NF1: variants seen among roughly 807,000 people sequenced by gnomAD.
The protein encoded by NF1 is neurofibromin.
A neutral mutation model predicts 325.7 loss-of-function variants in NF1; 122 were observed. The observed-to-expected ratio is 0.37, with a 90% CI of 0.32 to 0.44. The LOEUF (loss-of-function observed/expected upper bound fraction) is 0.44. NF1 is among the 20% of genes least tolerant of loss of function. The pLI is 1.00. For synonymous variants in NF1, 1,091 were observed against 1,186.0 expected (o/e 0.92, Z 1.65); for missense variants, 2,140 against 3,415.4 (o/e 0.63, Z 9.31).
intron 56 of NF1, 120 bp downstream of exon 56, chr17:31,359,135 A>G: frequency 2.4e-6 from 2 of 833,672 alleles, no homozygotes; most frequent in Admixed American, 2.5e-5. Flanking sequence ...CAATAAACAC[A>G]TATGTTACTT....
At chr17:31,304,347 G>C (rs774261958) in intron 36 of NF1, 1 of 1,614,118 alleles carries the variant, frequency 6.2e-7, no homozygotes, top group East Asian at 2.2e-5. Flanking sequence ...CCTGACACTG[G>C]ATCTCAAGGT....
chr17:31,132,281 C>A (rs1915448921), intron 1 of NF1, among the ~76,000 whole-genome samples: 1 of 151,914 alleles, frequency 6.6e-6, no homozygotes, highest in Non-Finnish European at 1.5e-5. Context: ...GTGGGTCATG[C>A]CTGTAATCCC....
chr17:31,155,157 TG>T (rs1259620673), intron 1 of NF1, among the ~76,000 whole-genome samples: 1 of 152,242 alleles, frequency 6.6e-6, no homozygotes, highest in Non-Finnish European at 1.5e-5. Flanking sequence ...TATTCAGGTT[TG>T]TTTTTTTCAC....
At chr17:31,193,281 T>C (rs1290560508) in intron 8 of NF1, among the ~76,000 whole-genome samples, 1 of 152,234 alleles carries the variant, frequency 6.6e-6, no homozygotes, top group Non-Finnish European at 1.5e-5. Flanking sequence ...TTGAGAACCA[T>C]TGTTCATCTA....
intron 30 of NF1, chr17:31,252,713 T>G (rs2067517081): frequency 3.8e-6 from 2 of 529,424 alleles, no homozygotes; most frequent in Non-Finnish European, 6.8e-6. Flanking sequence ...GTAGACATGA[T>G]TGGGTCTCAA....
In NF1 at chr17:31,366,609, C is replaced by G. The variant is rs148106269; in HGVS notation, c.8377+5906C>G. ...TAGGTTTGAAATATCTCCCTCTTAG[C>G]TGGGCACAGTGGCACATGCTTGTGG... On this transcript the variant is annotated intron_variant, in intron 57 of 57. Coordinates refer to ENST00000358273, the MANE Select transcript of NF1 (RefSeq NM_001042492.3). Among the ~76,000 whole-genome samples the G allele has an allele frequency of 6.7e-3, 1,024 of 152,296 alleles. 19 individuals are homozygous for G. Among genetic ancestry groups the G allele is most frequent in the African/African-American group, 0.023 (960 of 41,570 alleles).
At chr17:31,229,809 C>A in intron 21 of NF1, 26 bp from the exon 22 acceptor site, 2 of 1,611,228 alleles carry the variant, frequency 1.2e-6, no homozygotes, top group South Asian at 2.2e-5. Flanking sequence ...GATGGCAAAT[C>A]ATTAATGTAT....
chr17:31,307,088 T>G (rs1194111355), intron 36 of NF1, among the ~76,000 whole-genome samples: 1 of 152,042 alleles, frequency 6.6e-6, no homozygotes, highest in African/African-American at 2.4e-5. Flanking sequence ...AGTGGCACAA[T>G]CTGGGCTCAC....
At position 31,335,037 on chromosome 17, in the gene NF1, G is replaced by T. The variant is rs779001881; in HGVS notation, c.6006+6G>T. On this transcript the variant is annotated splice_donor_region_variant and intron_variant, in intron 40 of 57. Transcript: ENST00000358273. ...TATGGGGAAGCCTTGGGCAGGTATTGAGTTTGCTCAAATATTTATCTAGTA... is the reference window on the plus strand; with the variant it reads ...TATGGGGAAGCCTTGGGCAGGTATTTAGTTTGCTCAAATATTTATCTAGTA... The T allele has an allele frequency of 6.2e-7, 1 of 1,609,944 alleles. No homozygotes were observed. Among genetic ancestry groups the T allele is most frequent in the Non-Finnish European group, 8.5e-7 (1 of 1,178,192 alleles).
intron 1 of NF1, among the ~76,000 whole-genome samples, chr17:31,098,699 C>T (rs62068785): frequency 0.53 from 80,879 of 151,780 alleles, 25,607 homozygotes; most frequent in Middle Eastern, 0.76. Context: ...TTTGGGAGGC[C>T]GAGGCGGGCC....
intron 56 of NF1, 140 bp downstream of exon 56, chr17:31,359,155 GT>G: frequency 1.3e-6 from 1 of 746,078 alleles, no homozygotes; most frequent in Non-Finnish European, 2.2e-6. Flanking sequence ...TTTATAAAAA[GT>G]TTCTCATCAC....
chr17:31,097,190 G>C (rs574542171), intron 1 of NF1, among the ~76,000 whole-genome samples: 1 of 152,080 alleles, frequency 6.6e-6, no homozygotes, highest in Non-Finnish European at 1.5e-5. Flanking sequence ...GGGCGCGGTG[G>C]CTCACGCCTG....
chr17:31,357,577 T>A (rs1370592592), intron 54 of NF1: 1 of 591,938 alleles, frequency 1.7e-6, no homozygotes, highest in Non-Finnish European at 3.0e-6. Flanking sequence ...TTTTAAAAAA[T>A]CTGGTTGATT....
chr17:31,117,952 T>G (rs557695629), intron 1 of NF1, among the ~76,000 whole-genome samples: 1 of 152,286 alleles, frequency 6.6e-6, no homozygotes, highest in African/African-American at 2.4e-5. Context: ...ACTCAATGTT[T>G]GTGAATTAGG....
At chr17:31,155,912 G>A (rs2143623593) in intron 1 of NF1, 71 bp from the exon 2 acceptor site, 1 of 1,539,288 alleles carries the variant, frequency 6.5e-7, no homozygotes, top group South Asian at 1.2e-5. Flanking sequence ...GATTTTCAAT[G>A]GCAAGTAAGT....
chr17:31,294,435 A>G (rs2068417590), intron 36 of NF1: 1 of 156,240 alleles, frequency 6.4e-6, no homozygotes, highest in African/African-American at 2.4e-5. Context: ...GACATCATTT[A>G]GATTTAAAAC....
At chr17:31,360,016 A>C (rs1346527484) in intron 56 of NF1, 1 of 181,592 alleles carries the variant, frequency 5.5e-6, no homozygotes, top group Non-Finnish European at 1.2e-5. Context: ...AATATCTGTC[A>C]ACATGCAAAG....
In NF1 at chr17:31,375,245, T is replaced by A. The variant is rs908202823; in HGVS notation, c.*1090T>A. 1 of 226,310 alleles carries A rather than the reference T, an allele frequency of 4.4e-6. No individual in the cohort carries two copies. Among genetic ancestry groups the A allele is most frequent in the Non-Finnish European group, 8.8e-6 (1 of 113,470 alleles). The allele number at this position is 226,310 out of a possible 1,614,324, so 14.0% of individuals were successfully genotyped here. ...TGGTGTATATTATAAATTTCTTTGA[T>A]AAGATGTATTTTGAATGTCTTTTAA... On this transcript the variant is annotated 3_prime_UTR_variant, in exon 58 of 58. Coordinates refer to ENST00000358273, the MANE Select transcript of NF1 (RefSeq NM_001042492.3).
intron 1 of NF1, among the ~76,000 whole-genome samples, chr17:31,139,375 G>GACACACAC (rs58863782): frequency 0.011 from 1,538 of 144,136 alleles, 29 homozygotes; most frequent in African/African-American, 0.03. Context: ...GTTTTACACA[G>GACACACAC]ACACACACAC....
Sources: gnomAD v4.1 joint callset for allele counts (sites outside exome capture counted in the v4.1 genomes callset) on GRCh38, gnomAD v4.1.1 for gene constraint, MANE v1.5 for transcripts, NCBI Gene and HGNC (gene_info 2026-07-23, HGNC 2026-07-21) for gene names.